Variants in ARF6 observed in about 807,000 individuals in gnomAD.
ARF6 encodes the protein ADP-ribosylation factor 6.
For synonymous variants in ARF6, 127 were observed against 95.5 expected (o/e 1.33, Z -1.92); for missense variants, 75 against 232.0 (o/e 0.32, Z 4.40).
rs774810229 is a variant in ARF6, at chr14:49,894,270, A to C, written c.*6A>C. The C allele has an allele frequency of 6.3e-7, 1 of 1,597,546 alleles. No homozygotes were observed. Among genetic ancestry groups the C allele is most frequent in the Non-Finnish European group, 8.6e-7 (1 of 1,167,614 alleles). On this transcript the variant is annotated 3_prime_UTR_variant, in exon 2 of 2. Coordinates refer to ENST00000298316, the MANE Select transcript of ARF6 (RefSeq NM_001663.4). ...CCTCTAACTACAAATCTTAATGAGC[A>C]TTCTCCACCCATCCCCTGGAAGGAG...
chr14:49,893,652 G>C lies in ARF6; in HGVS notation c.-85G>C. On this transcript the variant is annotated 5_prime_UTR_variant, in exon 2 of 2. Transcript: ENST00000298316. Reference sequence around the variant, plus strand: ...GGCGCTCTCGCGGCCGAGAGGCTTCGTTTCGGTTTCGCGGCGGCGGCGGCG... The same window carrying C: ...GGCGCTCTCGCGGCCGAGAGGCTTCCTTTCGGTTTCGCGGCGGCGGCGGCG... The C allele has an allele frequency of 6.5e-7, 1 of 1,530,798 alleles. No homozygotes were observed. The highest frequency in any genetic ancestry group is 8.8e-7 in the Non-Finnish European group (1 of 1,130,240). The allele number at this position is 1,530,798 out of a possible 1,614,324, so 94.8% of individuals were successfully genotyped here.
Position 49,894,098 on chromosome 14 carries a change from C to T in ARF6, c.362C>T (p.Ala121Val). ...EMRDAIILIF[A>V]NKQDLPDAMK... ...AGGGACGCCATAATCCTCATCTTCG[C>T]CAACAAGCAGGACCTGCCCGATGCC... The change falls in exon 2 of 2, where the codon GCC becomes GTC. Residue 121 changes from alanine to valine, a missense_variant. Ala to Val is a moderately conservative substitution (Grantham distance 64). Coordinates refer to ENST00000298316, the MANE Select transcript of ARF6 (RefSeq NM_001663.4). The T allele has an allele frequency of 6.2e-7, 1 of 1,614,172 alleles. No individual in the cohort carries two copies. Among genetic ancestry groups the T allele is most frequent in the Non-Finnish European group, 8.5e-7 (1 of 1,180,044 alleles).
rs1470159675 is a variant in ARF6, at chr14:49,894,396, G to A, written c.*132G>A. On this transcript the variant is annotated 3_prime_UTR_variant, in exon 2 of 2. Coordinates refer to ENST00000298316, the MANE Select transcript of ARF6 (RefSeq NM_001663.4). ...TGAACTCTGGAGTTACTGTTCTACAGTTTGGCGGGGACGGGGCTTGGGGGT... is the reference window on the plus strand; with the variant it reads ...TGAACTCTGGAGTTACTGTTCTACAATTTGGCGGGGACGGGGCTTGGGGGT... 1.1e-6 allele frequency: 1 copy of A among 900,442 alleles called. No individual in the cohort carries two copies. Among genetic ancestry groups the A allele is most frequent in the Non-Finnish European group, 1.6e-6 (1 of 621,820 alleles). 55.8% of individuals were successfully genotyped at this position (900,442 alleles called of 1,614,324 possible). A position where few individuals can be genotyped will look rare whatever the true frequency, so the allele number is the denominator to read the frequency against.
chr14:49,893,463 T>C lies in ARF6; in HGVS notation c.-274T>C. 1 of 349,882 alleles carries C rather than the reference T, an allele frequency of 2.9e-6. No homozygotes were observed. The highest frequency in any genetic ancestry group is 5.2e-6 in the Non-Finnish European group (1 of 194,000). 21.7% of individuals were successfully genotyped at this position (349,882 alleles called of 1,614,324 possible). On this transcript the variant is annotated 5_prime_UTR_variant, in exon 2 of 2. Coordinates refer to ENST00000298316, the MANE Select transcript of ARF6 (RefSeq NM_001663.4). ...CGGCGCCTGCGGGGGGAAGGGCAGT[T>C]CCGGGCCGGGCCGCGCCTCAGCAGG...
chr14:49,894,416 G>T lies in ARF6; in HGVS notation c.*152G>T. ...CTACAGTTTGGCGGGGACGGGGCTT[G>T]GGGGTTTTCTCTTTTGTTTGTTTCC... is the stretch of plus-strand genomic sequence containing the variant. On this transcript the variant is annotated 3_prime_UTR_variant, in exon 2 of 2. Transcript: ENST00000298316. The T allele has an allele frequency of 1.3e-6, 1 of 756,678 alleles. No homozygotes were observed. Among genetic ancestry groups the T allele is most frequent in the Non-Finnish European group, 2.0e-6 (1 of 494,884 alleles). The allele number at this position is 756,678 out of a possible 1,614,324, so 46.9% of individuals were successfully genotyped here.
rs1894492993 is a variant in ARF6, at chr14:49,894,448, T to G, written c.*184T>G. 2 of 520,198 alleles carry G rather than the reference T, an allele frequency of 3.8e-6. No homozygotes were observed. Among genetic ancestry groups the G allele is most frequent in the Admixed American group, 4.7e-5 (1 of 21,454 alleles). The allele number at this position is 520,198 out of a possible 1,614,324, so 32.2% of individuals were successfully genotyped here. On this transcript the variant is annotated 3_prime_UTR_variant, in exon 2 of 2. Coordinates refer to ENST00000298316, the MANE Select transcript of ARF6 (RefSeq NM_001663.4). ...TTCTCTTTTGTTTGTTTCCCTTTCT[T>G]TTTCCTTTTTTTTTTTTTTTTTTTT...
Position 49,894,403 on chromosome 14 carries a change from G to A in ARF6, c.*139G>A. 6.6e-6 allele frequency: 6 copies of A among 914,108 alleles called. No homozygotes were observed. Among genetic ancestry groups the A allele is most frequent in the South Asian group, 2.2e-5 (1 of 46,504 alleles). 56.6% of individuals were successfully genotyped at this position (914,108 alleles called of 1,614,324 possible). A position where few individuals can be genotyped will look rare whatever the true frequency, so the allele number is the denominator to read the frequency against. On this transcript the variant is annotated 3_prime_UTR_variant, in exon 2 of 2. Coordinates refer to ENST00000298316, the MANE Select transcript of ARF6 (RefSeq NM_001663.4). ...TGGAGTTACTGTTCTACAGTTTGGC[G>A]GGGACGGGGCTTGGGGGTTTTCTCT...
Position 49,893,654 on chromosome 14 carries a change from T to G in ARF6, c.-83T>G. 2.0e-6 allele frequency: 3 copies of G among 1,525,220 alleles called. No homozygotes were observed. The highest frequency in any genetic ancestry group is 2.7e-6 in the Non-Finnish European group (3 of 1,125,322). 94.5% of individuals were successfully genotyped at this position (1,525,220 alleles called of 1,614,324 possible). A position where few individuals can be genotyped will look rare whatever the true frequency, so the allele number is the denominator to read the frequency against. ...CGCTCTCGCGGCCGAGAGGCTTCGTTTCGGTTTCGCGGCGGCGGCGGCGTT... is the reference window on the plus strand; with the variant it reads ...CGCTCTCGCGGCCGAGAGGCTTCGTGTCGGTTTCGCGGCGGCGGCGGCGTT... On this transcript the variant is annotated 5_prime_UTR_variant, in exon 2 of 2. Transcript: ENST00000298316.
At position 49,895,226 on chromosome 14, in the gene ARF6, C is replaced by G. The variant is rs1245292744; in HGVS notation, c.*962C>G. 6.0e-6 allele frequency: 1 copy of G among 166,818 alleles called. No individual in the cohort carries two copies. Among genetic ancestry groups the G allele is most frequent in the Non-Finnish European group, 1.5e-5 (1 of 68,122 alleles). The allele number at this position is 166,818 out of a possible 1,614,324, so 10.3% of individuals were successfully genotyped here. On this transcript the variant is annotated 3_prime_UTR_variant, in exon 2 of 2. Transcript: ENST00000298316. ...AATAATTTGTAGATATTTTAAGTGA[C>G]TTTTGGGCAAAACTGGAATGTATAC...
Position 49,893,574 on chromosome 14 carries a change from G to T in ARF6, c.-163G>T, listed in dbSNP as rs1324408798. On this transcript the variant is annotated 5_prime_UTR_variant, in exon 2 of 2. Transcript: ENST00000298316. ...TGTGCGGTCGGTGATGCCCGAGTGA[G>T]CGGGGGGCCTGGGCCTCTGCCCTTA... 3.9e-5 allele frequency: 31 copies of T among 790,136 alleles called. No homozygotes were observed. In the East Asian group the frequency reaches 8.2e-4, roughly 21 times the overall value. The allele number at this position is 790,136 out of a possible 1,614,324, so 48.9% of individuals were successfully genotyped here. A position where few individuals can be genotyped will look rare whatever the true frequency, so the allele number is the denominator to read the frequency against.
Position 49,893,640 on chromosome 14 carries a change from C to T in ARF6, c.-97C>T, listed in dbSNP as rs1216063408. On this transcript the variant is annotated 5_prime_UTR_variant, in exon 2 of 2. Coordinates refer to ENST00000298316, the MANE Select transcript of ARF6 (RefSeq NM_001663.4). ...GCAGGCCGCAAAGGCGCTCTCGCGG[C>T]CGAGAGGCTTCGTTTCGGTTTCGCG... 7 of 1,490,328 alleles carry T rather than the reference C, an allele frequency of 4.7e-6. No individual in the cohort carries two copies. Among genetic ancestry groups the T allele is most frequent in the Non-Finnish European group, 6.4e-6 (7 of 1,097,726 alleles). 92.3% of individuals were successfully genotyped at this position (1,490,328 alleles called of 1,614,324 possible). A position where few individuals can be genotyped will look rare whatever the true frequency, so the allele number is the denominator to read the frequency against.
Position 49,894,882 on chromosome 14 carries a change from C to T in ARF6, c.*618C>T. On this transcript the variant is annotated 3_prime_UTR_variant, in exon 2 of 2. Transcript: ENST00000298316. ...TCTAAGACCAGTATAGTAAACTTAG[C>T]CCACAGTGGCAAATAATGAGTAATA... 1 of 167,082 alleles carries T rather than the reference C, an allele frequency of 6.0e-6. No individual in the cohort carries two copies. 10.3% of individuals were successfully genotyped at this position (167,082 alleles called of 1,614,324 possible).
In ARF6 at chr14:49,896,072, A is replaced by G. The variant is rs911516465; in HGVS notation, c.*1808A>G. On this transcript the variant is annotated 3_prime_UTR_variant, in exon 2 of 2. Coordinates refer to ENST00000298316, the MANE Select transcript of ARF6 (RefSeq NM_001663.4). ...GAGCTTTTACCAAAGATGTATGAGA[A>G]GTGTAAGACTATAAAAAAATGAACT... 3 of 165,110 alleles carry G rather than the reference A, an allele frequency of 1.8e-5. No individual in the cohort carries two copies. 10.2% of individuals were successfully genotyped at this position (165,110 alleles called of 1,614,324 possible).
Position 49,894,445 on chromosome 14 carries a change from TC to T in ARF6, c.*182del. On this transcript the variant is annotated 3_prime_UTR_variant, in exon 2 of 2. Coordinates refer to ENST00000298316, the MANE Select transcript of ARF6 (RefSeq NM_001663.4). ...GTTTTCTCTTTTGTTTGTTTCCCTT[TC>T]TTTTTCCTTTTTTTTTTTTTTTTTT... 1 of 548,096 alleles carries T rather than the reference TC, an allele frequency of 1.8e-6. No homozygotes were observed. Among genetic ancestry groups the T allele is most frequent in the Admixed American group, 4.1e-5 (1 of 24,216 alleles). 34.0% of individuals were successfully genotyped at this position (548,096 alleles called of 1,614,324 possible).
rs1894481477 is a variant in ARF6 at position 49,893,705 on chromosome 14, T to C, written c.-32T>C. The C allele has an allele frequency of 1.3e-6, 2 of 1,598,616 alleles. No individual in the cohort carries two copies. On this transcript the variant is annotated 5_prime_UTR_variant, in exon 2 of 2. Coordinates refer to ENST00000298316, the MANE Select transcript of ARF6 (RefSeq NM_001663.4). ...GTTGGCTGAGGGGACCCGGGACACC[T>C]GAATGCCCCCGGCCCCGGCTCCTCC...
rs1894517035 is a variant in ARF6 at position 49,895,841 on chromosome 14, G to T, written c.*1577G>T. ...GATGCAGAATTGTAAAGCAGCATCTGGTTCCTATATAGCCTTAAGGATTAA... is the reference window on the plus strand; with the variant it reads ...GATGCAGAATTGTAAAGCAGCATCTTGTTCCTATATAGCCTTAAGGATTAA... On this transcript the variant is annotated 3_prime_UTR_variant, in exon 2 of 2. Transcript: ENST00000298316. The T allele has an allele frequency of 6.0e-6, 1 of 166,850 alleles. No individual in the cohort carries two copies. 10.3% of individuals were successfully genotyped at this position (166,850 alleles called of 1,614,324 possible). A position where few individuals can be genotyped will look rare whatever the true frequency, so the allele number is the denominator to read the frequency against.
rs991807856 is a variant in ARF6 at position 49,893,479 on chromosome 14, C to A, written c.-258C>A. 1.4e-5 allele frequency: 6 copies of A among 422,314 alleles called. No individual in the cohort carries two copies. The highest frequency in any genetic ancestry group is 1.2e-4 in the African/African-American group (6 of 48,422). The allele number at this position is 422,314 out of a possible 1,614,324, so 26.2% of individuals were successfully genotyped here. A position where few individuals can be genotyped will look rare whatever the true frequency, so the allele number is the denominator to read the frequency against. ...AAGGGCAGTTCCGGGCCGGGCCGCG[C>A]CTCAGCAGGGCGGCGGCTCCCAGCG... On this transcript the variant is annotated 5_prime_UTR_variant, in exon 2 of 2. Transcript: ENST00000298316.
chr14:49,896,990 GTTC>G lies in ARF6; in HGVS notation c.*2729_*2731del, dbSNP rs1894531447. On this transcript the variant is annotated 3_prime_UTR_variant, in exon 2 of 2. Coordinates refer to ENST00000298316, the MANE Select transcript of ARF6 (RefSeq NM_001663.4). ...TAAAAAGTACAGTACTTGGAATTGTGTTCTTTATGGTTGTAGTGTTGGTAAAGC... is the reference window on the plus strand; with the variant it reads ...TAAAAAGTACAGTACTTGGAATTGTGTTTATGGTTGTAGTGTTGGTAAAGC... 1 of 167,030 alleles carries G rather than the reference GTTC, an allele frequency of 6.0e-6. No homozygotes were observed. The highest frequency in any genetic ancestry group is 2.4e-5 in the African/African-American group (1 of 41,436). 10.3% of individuals were successfully genotyped at this position (167,030 alleles called of 1,614,324 possible). A position where few individuals can be genotyped will look rare whatever the true frequency, so the allele number is the denominator to read the frequency against.
Position 49,893,527 on chromosome 14 carries a change from G to T in ARF6, c.-210G>T, listed in dbSNP as rs1894477849. ...GCGCAGTCTCAGGGCCCGGGTGGCG[G>T]CGGCGACTGGAGAAATCAAGTTGTG... On this transcript the variant is annotated 5_prime_UTR_variant, in exon 2 of 2. Coordinates refer to ENST00000298316, the MANE Select transcript of ARF6 (RefSeq NM_001663.4). 1 of 594,164 alleles carries T rather than the reference G, an allele frequency of 1.7e-6. No homozygotes were observed. The highest frequency in any genetic ancestry group is 2.9e-6 in the Non-Finnish European group (1 of 345,016). 36.8% of individuals were successfully genotyped at this position (594,164 alleles called of 1,614,324 possible).
Sources: allele counts gnomAD v4.1 joint callset, GRCh38; gene constraint gnomAD v4.1.1; transcripts MANE v1.5; gene names NCBI Gene and HGNC (gene_info 2026-07-23, HGNC 2026-07-21).